APBA2: variants seen among roughly 807,000 people sequenced by gnomAD.
APBA2 encodes the protein amyloid beta precursor protein binding family A member 2, also known as amyloid-beta A4 precursor protein-binding family A member 2.
In APBA2, 30 loss-of-function variants were observed where a neutral mutation model predicts 75.0. The ratio of observed to expected loss-of-function variants is 0.40; its 90% CI spans 0.30 to 0.54. The LOEUF (loss-of-function observed/expected upper bound fraction) is 0.54, where lower values mean the gene tolerates loss of function less well. Among genes scored for constraint, APBA2 ranks in the 20% least tolerant of loss-of-function variants. The probability of loss-of-function intolerance (pLI) is 0.49; values close to 1 mark genes in which losing one functional copy is unlikely to be tolerated. For synonymous variants in APBA2, 444 were observed against 409.6 expected (o/e 1.08, Z -1.01); for missense variants, 801 against 1,016.1 (o/e 0.79, Z 2.88).
chr15:29,038,578 G>C (rs953698312), intron 3 of APBA2, among the ~76,000 whole-genome samples: 5 of 152,040 alleles, frequency 3.3e-5, no homozygotes, highest in Non-Finnish European at 7.4e-5. Context: ...GGTGAACGGT[G>C]GGGACAGAAG....
chr15:29,002,950 C>CTTT (rs2038926343), intron 3 of APBA2, among the ~76,000 whole-genome samples: 1 of 151,930 alleles, frequency 6.6e-6, no homozygotes, highest in Non-Finnish European at 1.5e-5. Context: ...AGGGGGAAGA[C>CTTT]GGGCGTTCCA....
chr15:29,026,322 G>T (rs73367649), intron 3 of APBA2, among the ~76,000 whole-genome samples: 1 of 152,132 alleles, frequency 6.6e-6, no homozygotes, highest in South Asian at 2.1e-4. Context: ...TCAAGTTATC[G>T]CTGTCAGGTG....
chr15:29,106,297 G>A (rs1397311717), intron 11 of APBA2, among the ~76,000 whole-genome samples: 1 of 152,104 alleles, frequency 6.6e-6, no homozygotes, highest in African/African-American at 2.4e-5. Context: ...GGGGTGGGAA[G>A]GTCAGTGTTG....
chr15:28,975,644 A>G (rs1265502694), intron 2 of APBA2, among the ~76,000 whole-genome samples: 1 of 152,254 alleles, frequency 6.6e-6, no homozygotes, highest in African/African-American at 2.4e-5. Context: ...ATTTGGTTGC[A>G]TTAGGAAAAA....
At chr15:29,064,121 C>T (rs73370210) in intron 4 of APBA2, among the ~76,000 whole-genome samples, 13 of 152,266 alleles carry the variant, frequency 8.5e-5, no homozygotes, top group South Asian at 8.3e-4. Flanking sequence ...TTTCTCACAC[C>T]GAATATCTAA....
chr15:28,892,430 T>TA (rs1215358502), intron 1 of APBA2, among the ~76,000 whole-genome samples: 1 of 152,222 alleles, frequency 6.6e-6, no homozygotes, highest in East Asian at 1.9e-4. Flanking sequence ...TTTAGATAGA[T>TA]ACTTGTGTTA....
rs1239114258 is a variant in APBA2, at chr15:28,918,739, G to C, written c.-204-2901G>C. ...GGTGTCGCCATGGCAGCTGGAGAGC[G>C]GGCGACCGGTCGCTTGGCGTCCTGC... On this transcript the variant is annotated intron_variant, in intron 1 of 14. Transcript: ENST00000683413. This position sits in a 1 kb window ranked among gnomAD's most constrained non-coding sequence, Gnocchi z 4.2. Among the ~76,000 whole-genome samples the C allele has an allele frequency of 6.6e-6, 1 of 152,188 alleles. No individual in the cohort carries two copies.
chr15:29,085,218 T>C (rs1398859826), intron 6 of APBA2, among the ~76,000 whole-genome samples: 1 of 152,160 alleles, frequency 6.6e-6, no homozygotes, highest in Admixed American at 6.5e-5. Context: ...CTTCTCTTTT[T>C]TGAAAAATTT....
chr15:29,110,893 C>A (rs553441718), intron 13 of APBA2, among the ~76,000 whole-genome samples: 20 of 152,190 alleles, frequency 1.3e-4, no homozygotes, highest in Admixed American at 2.6e-4. Context: ...GGGCAGCAGA[C>A]GGGGACCAGG....
At chr15:28,994,897 C>T (rs941286356) in intron 2 of APBA2, among the ~76,000 whole-genome samples, 46 of 152,224 alleles carry the variant, frequency 3.0e-4, no homozygotes, top group African/African-American at 1.1e-3. Context: ...GGCTCGCAGC[C>T]TGGCCCGGCT....
In APBA2 at chr15:29,059,161, G is replaced by C. The variant is rs150365237; in HGVS notation, c.951+4326G>C. ...GCCTTCTTGTTTCAGCTCTCATACT[G>C]TAAACAGCTGTTCTTTTCACAATCT... On this transcript the variant is annotated intron_variant, in intron 4 of 14. Transcript: ENST00000683413. Among the ~76,000 whole-genome samples, 14 of 152,270 alleles carry C rather than the reference G, an allele frequency of 9.2e-5. No homozygotes were observed. The East Asian group carries it at 2.1e-3, about 23-fold the overall frequency.
chr15:29,097,768 T>G (rs770521772), intron 8 of APBA2, among the ~76,000 whole-genome samples: 15 of 152,198 alleles, frequency 9.9e-5, no homozygotes, highest in Non-Finnish European at 1.3e-4. Context: ...TCATTTCTCC[T>G]GTCTAGCAGG....
chr15:29,063,884 G>C (rs1249291477), intron 4 of APBA2, among the ~76,000 whole-genome samples: 1 of 152,038 alleles, frequency 6.6e-6, no homozygotes, highest in Non-Finnish European at 1.5e-5. Flanking sequence ...CCCTGCTTGT[G>C]AGATAGGATG....
At chr15:28,961,123 A>G (rs1039985406) in intron 2 of APBA2, among the ~76,000 whole-genome samples, 8 of 152,160 alleles carry the variant, frequency 5.3e-5, no homozygotes, top group African/African-American at 1.9e-4. Context: ...GAAGTGATTC[A>G]TTTGCTTACT....
chr15:29,013,306 G>A (rs865861985), intron 3 of APBA2, among the ~76,000 whole-genome samples: 31 of 126,106 alleles, frequency 2.5e-4, no homozygotes, highest in African/African-American at 9.3e-4. Context: ...TTGAGACAGA[G>A]TCTTGCTCTT....
intron 4 of APBA2, among the ~76,000 whole-genome samples, chr15:29,060,399 A>G (rs1330214978): frequency 1.3e-5 from 2 of 152,170 alleles, no homozygotes; most frequent in South Asian, 2.1e-4. Context: ...GTGCCTCTGA[A>G]CAGTGCATAA....
At chr15:28,900,217 G>A (rs1486220885) in intron 1 of APBA2, among the ~76,000 whole-genome samples, 1 of 152,186 alleles carries the variant, frequency 6.6e-6, no homozygotes, top group Admixed American at 6.5e-5. Flanking sequence ...GCTTCTTCGG[G>A]CTCATCAGAC....
intron 12 of APBA2, 28 bp downstream of exon 12, chr15:29,106,847 G>T: frequency 6.2e-7 from 1 of 1,603,046 alleles, no homozygotes; most frequent in African/African-American, 1.3e-5. Context: ...CTCCGCCCAG[G>T]GGTCACCTCA....
chr15:29,040,897 TC>T (rs1315054229), intron 3 of APBA2, among the ~76,000 whole-genome samples: 1 of 152,160 alleles, frequency 6.6e-6, no homozygotes, highest in East Asian at 1.9e-4. Context: ...TTAACAAATG[TC>T]AACCCTGAGA....
Sources: gnomAD v4.1 joint callset for allele counts (sites outside exome capture counted in the v4.1 genomes callset) on GRCh38, gnomAD v4.1.1 for gene constraint, Gnocchi (gnomAD v3.1) non-coding constraint, MANE v1.5 for transcripts, NCBI Gene and HGNC (gene_info 2026-07-23, HGNC 2026-07-21) for gene names.